The following LAMC1 variants were observed in gnomAD, a reference collection of about 807,000 sequenced individuals.
The protein encoded by LAMC1 is laminin subunit gamma 1, also known as laminin subunit gamma-1.
Under a neutral mutation model 173.6 loss-of-function variants are expected in LAMC1, and 38 were observed. The ratio of observed to expected loss-of-function variants is 0.22; its 90% CI spans 0.17 to 0.29. The LOEUF is 0.29. Among genes scored for constraint, LAMC1 ranks in the 10% least tolerant of loss-of-function variants. The pLI, the probability that LAMC1 is intolerant of heterozygous loss-of-function variation, is 1.00. For synonymous variants in LAMC1, 746 were observed against 749.1 expected (o/e 1.00, Z 0.07); for missense variants, 1,824 against 2,051.8 (o/e 0.89, Z 2.14).
In LAMC1 at chr1:183,023,898, T is replaced by G. The variant is rs1653608596; in HGVS notation, c.182T>G (p.Val61Gly). The G allele has an allele frequency of 6.2e-7, 1 of 1,612,982 alleles. No individual in the cohort carries two copies. Among genetic ancestry groups the G allele is most frequent in the Non-Finnish European group, 8.5e-7 (1 of 1,179,844 alleles). Reference sequence around the variant, plus strand: ...GAGTTCGTCAACGCCGCCTTCAACGTGACTGTGGTGGCCACCAACACGTGT... The same window carrying G: ...GAGTTCGTCAACGCCGCCTTCAACGGGACTGTGGTGGCCACCAACACGTGT... ...MPEFVNAAFN[V>G]TVVATNTCGT... Residue 61 changes from valine (V) to glycine (G), a missense_variant, in exon 1 of 28, where the codon GTG becomes GGG. By Grantham distance (109) the Val-to-Gly change is moderately radical. Transcript: ENST00000258341.
At chr1:183,078,228 G>A (rs10911222) in intron 1 of LAMC1, among the ~76,000 whole-genome samples, 76,181 of 151,914 alleles carry the variant, frequency 0.5, 19,731 homozygotes, top group South Asian at 0.64. Flanking sequence ...CCAAAGCTCA[G>A]TTAATAAGAT....
rs1208199356 is a variant in LAMC1 at position 183,138,306 on chromosome 1, A to G, written c.4473+479A>G. 4 of 515,900 alleles carry G rather than the reference A, an allele frequency of 7.8e-6. No individual in the cohort carries two copies. The African/African-American group carries it at 8.3e-5, about 11-fold the overall frequency. 32.0% of individuals were successfully genotyped at this position (515,900 alleles called of 1,614,324 possible). A position where few individuals can be genotyped will look rare whatever the true frequency, so the allele number is the denominator to read the frequency against. On this transcript the variant is annotated intron_variant, in intron 26 of 27. Coordinates refer to ENST00000258341, the MANE Select transcript of LAMC1 (RefSeq NM_002293.4). ...CTAGTTTAATTTTTCACGTTTTGTG[A>G]TAATGTGTATGCAAGGTACTATTTG...
At position 183,145,474 on chromosome 1, in the gene LAMC1, C is replaced by G. The variant is rs1018506170; in HGVS notation, c.*2684C>G. 16 of 152,424 alleles carry G rather than the reference C, an allele frequency of 1.0e-4. No individual in the cohort carries two copies. Among genetic ancestry groups the G allele is most frequent in the African/African-American group, 3.9e-4 (16 of 41,362 alleles). The allele number at this position is 152,424 out of a possible 1,614,324, so 9.4% of individuals were successfully genotyped here. The stretch of plus-strand genomic sequence containing the variant: ...ATGTGCCTTCACTTTAGCTGTTTGC[C>G]TTAATCTCTACAGCCTTGCTCTCCG... On this transcript the variant is annotated 3_prime_UTR_variant, in exon 28 of 28. Transcript: ENST00000258341.
intron 1 of LAMC1, among the ~76,000 whole-genome samples, chr1:183,095,847 G>T (rs1045689075): frequency 6.6e-6 from 1 of 152,184 alleles, no homozygotes; most frequent in Non-Finnish European, 1.5e-5. Flanking sequence ...AAATGGCAAA[G>T]ATGTGCAGAT....
chr1:183,067,519 C>T (rs1431998104), intron 1 of LAMC1, among the ~76,000 whole-genome samples: 3 of 152,028 alleles, frequency 2.0e-5, no homozygotes, highest in African/African-American at 7.2e-5. Flanking sequence ...GACGGAGTCT[C>T]GCTCTGTCAC....
At chr1:183,109,272 C>G (rs1346900378) in intron 3 of LAMC1, among the ~76,000 whole-genome samples, 2 of 152,124 alleles carry the variant, frequency 1.3e-5, no homozygotes, top group African/African-American at 4.8e-5. Context: ...GAGTAGGACT[C>G]TGGTAAGAAA....
chr1:183,111,900 T>G (rs1419730696), intron 4 of LAMC1, among the ~76,000 whole-genome samples: 1 of 152,086 alleles, frequency 6.6e-6, no homozygotes, highest in Non-Finnish European at 1.5e-5. Flanking sequence ...CCAGGTGTGG[T>G]GGTGCACGCC....
At chr1:183,086,659 A>G (rs1421124768) in intron 1 of LAMC1, among the ~76,000 whole-genome samples, 1 of 152,106 alleles carries the variant, frequency 6.6e-6, no homozygotes, top group Non-Finnish European at 1.5e-5. Flanking sequence ...ATAGAACCTT[A>G]CCTTCTATTA....
At chr1:183,067,469 T>C (rs1021756643) in intron 1 of LAMC1, among the ~76,000 whole-genome samples, 13 of 152,080 alleles carry the variant, frequency 8.5e-5, no homozygotes, top group African/African-American at 2.9e-4. Context: ...GATATACATA[T>C]ATATTTTTGT....
intron 2 of LAMC1, among the ~76,000 whole-genome samples, chr1:183,106,967 C>G (rs1414263872): frequency 6.6e-6 from 1 of 152,162 alleles, no homozygotes; most frequent in Non-Finnish European, 1.5e-5. Flanking sequence ...AGAGACTGCA[C>G]TGGTTGTGGG....
chr1:183,035,426 A>G (rs776036711), intron 1 of LAMC1, among the ~76,000 whole-genome samples: 2 of 152,292 alleles, frequency 1.3e-5, no homozygotes, highest in African/African-American at 2.4e-5. Context: ...GCCTCGAGCA[A>G]TCCTCCTGCC....
At chr1:183,067,027 G>A (rs1654892178) in intron 1 of LAMC1, among the ~76,000 whole-genome samples, 1 of 152,256 alleles carries the variant, frequency 6.6e-6, no homozygotes, top group African/African-American at 2.4e-5. Flanking sequence ...TTGGTTTATT[G>A]TGTTTTAGTC....
In LAMC1 at chr1:183,116,602, A is replaced by G. The variant is rs1656329270; in HGVS notation, c.1354A>G (p.Ser452Gly). ...GCCATGCTCTTGTGATCCCTCTGGC[A>G]GCATAGATGAATGTAATATTGAAAC... ...CRPCSCDPSG[S>G]IDECNIETGR... Residue 452 changes from serine to glycine, a missense_variant, in exon 7 of 28, where the codon AGC becomes GGC. Coordinates refer to ENST00000258341, the MANE Select transcript of LAMC1 (RefSeq NM_002293.4). 2 of 1,612,208 alleles carry G rather than the reference A, an allele frequency of 1.2e-6. No individual in the cohort carries two copies. The highest frequency in any genetic ancestry group is 1.7e-6 in the Non-Finnish European group (2 of 1,178,394).
chr1:183,072,631 G>A (rs190049190), intron 1 of LAMC1, among the ~76,000 whole-genome samples: 256 of 152,296 alleles, frequency 1.7e-3, no homozygotes, highest in African/African-American at 5.6e-3. Context: ...CCTGGGCCAC[G>A]AACCGGTACC....
In LAMC1 at chr1:183,143,655, C is replaced by G. The variant is rs1657178532; in HGVS notation, c.*865C>G. On this transcript the variant is annotated 3_prime_UTR_variant, in exon 28 of 28. Transcript: ENST00000258341. Reference sequence around the variant, plus strand: ...TTTTGTTTTCAAAATCAAACTAATTCTTACAGCTTTTTTATTAGTTAGTCT... The same window carrying G: ...TTTTGTTTTCAAAATCAAACTAATTGTTACAGCTTTTTTATTAGTTAGTCT... 6.6e-6 allele frequency: 1 copy of G among 152,258 alleles called. No individual in the cohort carries two copies. The highest frequency in any genetic ancestry group is 2.1e-4 in the South Asian group (1 of 4,824). 9.4% of individuals were successfully genotyped at this position (152,258 alleles called of 1,614,324 possible).
At chr1:183,056,836 A>G (rs1252026207) in intron 1 of LAMC1, among the ~76,000 whole-genome samples, 2 of 152,372 alleles carry the variant, frequency 1.3e-5, no homozygotes, top group South Asian at 2.1e-4. Context: ...GAGATTATGT[A>G]TGCAGACTTG....
intron 1 of LAMC1, among the ~76,000 whole-genome samples, chr1:183,034,932 C>G (rs1385980913): frequency 6.6e-6 from 1 of 152,126 alleles, no homozygotes; most frequent in Non-Finnish European, 1.5e-5. Context: ...TGACTAGTGA[C>G]TTTTCTGAGG....
intron 1 of LAMC1, among the ~76,000 whole-genome samples, chr1:183,054,786 T>C (rs1017393312): frequency 2.6e-5 from 4 of 152,122 alleles, no homozygotes; most frequent in Non-Finnish European, 4.4e-5. Context: ...AGGGAAGCCA[T>C]TGATTATTCA....
chr1:183,080,118 T>G (rs1401747727), intron 1 of LAMC1, among the ~76,000 whole-genome samples: 1 of 152,090 alleles, frequency 6.6e-6, no homozygotes, highest in Non-Finnish European at 1.5e-5. Context: ...GTGGTGCACA[T>G]GTGTAATCCC....
Sources: gnomAD v4.1 joint callset for allele counts (sites outside exome capture counted in the v4.1 genomes callset) on GRCh38, gnomAD v4.1.1 for gene constraint, MANE v1.5 for transcripts, NCBI Gene and HGNC (gene_info 2026-07-23, HGNC 2026-07-21) for gene names.